The following BTBD9 variants were observed in gnomAD, a reference collection of about 807,000 sequenced individuals.
BTBD9 encodes the protein BTB/POZ domain-containing protein 9.
Under a neutral mutation model 64.3 loss-of-function variants are expected in BTBD9, and 49 were observed. The observed-to-expected ratio is 0.76, with a 90% CI of 0.61 to 0.97. The LOEUF (loss-of-function observed/expected upper bound fraction) is 0.97, where lower values mean the gene tolerates loss of function less well. Among genes scored for constraint, BTBD9 ranks in the 50% least tolerant of loss-of-function variants. The probability of loss-of-function intolerance (pLI) is 0.00; values close to 1 mark genes in which losing one functional copy is unlikely to be tolerated. For synonymous variants in BTBD9, 260 were observed against 274.7 expected (o/e 0.95, Z 0.53); for missense variants, 598 against 762.1 (o/e 0.78, Z 2.53).
intron 10 of BTBD9, among the ~76,000 whole-genome samples, chr6:38,191,511 C>CA (rs927145532): frequency 2.6e-5 from 4 of 152,220 alleles, no homozygotes; most frequent in African/African-American, 9.6e-5. Context: ...CTCCCTCGGG[C>CA]ACAGGGACAC....
chr6:38,406,761 T>G (rs1767182498), intron 6 of BTBD9, among the ~76,000 whole-genome samples: 2 of 152,140 alleles, frequency 1.3e-5, no homozygotes, highest in African/African-American at 4.8e-5. Context: ...GGATCACACT[T>G]TGCTGCCCAG....
At chr6:38,533,131 A>AT (rs1240465922) in intron 6 of BTBD9, among the ~76,000 whole-genome samples, 7 of 151,962 alleles carry the variant, frequency 4.6e-5, no homozygotes, top group South Asian at 2.1e-4. Context: ...AATAATAATA[A>AT]AAAAAACAAG....
At chr6:38,584,576 T>C (rs1374131879) in intron 4 of BTBD9, among the ~76,000 whole-genome samples, 1 of 152,194 alleles carries the variant, frequency 6.6e-6, no homozygotes, top group Non-Finnish European at 1.5e-5. Flanking sequence ...AATTATCTTT[T>C]ATCGAACTCT....
At chr6:38,466,198 A>G (rs1770377510) in intron 6 of BTBD9, among the ~76,000 whole-genome samples, 1 of 147,776 alleles carries the variant, frequency 6.8e-6, no homozygotes, top group South Asian at 2.1e-4. Flanking sequence ...AGTACTCTTT[A>G]TTAGTCTTTT....
At chr6:38,572,928 T>C (rs1273683261) in intron 6 of BTBD9, among the ~76,000 whole-genome samples, 1 of 152,000 alleles carries the variant, frequency 6.6e-6, no homozygotes, top group Non-Finnish European at 1.5e-5. Context: ...AAATTCTATA[T>C]GGCAAAAAGT....
intron 6 of BTBD9, among the ~76,000 whole-genome samples, chr6:38,461,743 G>A (rs960544014): frequency 7.2e-5 from 11 of 152,174 alleles, no homozygotes; most frequent in Admixed American, 6.5e-4. Flanking sequence ...CTGCCAAGCT[G>A]TTTTCCAATG....
intron 6 of BTBD9, among the ~76,000 whole-genome samples, chr6:38,438,900 T>A (rs1768885150): frequency 6.6e-6 from 1 of 151,530 alleles, no homozygotes; most frequent in African/African-American, 2.4e-5. Context: ...CTGAAGGGAG[T>A]GAGGAAATAA....
chr6:38,472,385 T>C (rs1454528172), intron 6 of BTBD9, among the ~76,000 whole-genome samples: 1 of 152,158 alleles, frequency 6.6e-6, no homozygotes. Flanking sequence ...AACAATAAGT[T>C]AGAAATATTT....
At chr6:38,486,596 A>T (rs1582511601) in intron 6 of BTBD9, among the ~76,000 whole-genome samples, 1 of 152,346 alleles carries the variant, frequency 6.6e-6, no homozygotes, top group East Asian at 1.9e-4. Flanking sequence ...GTCAGAATAC[A>T]CACATTTATC....
chr6:38,613,623 C>CT (rs200202457), intron 1 of BTBD9, among the ~76,000 whole-genome samples: 1,976 of 151,078 alleles, frequency 0.013, 40 homozygotes, highest in African/African-American at 0.044. Context: ...GAGACTTTAT[C>CT]TTTTTTAAAA....
intron 6 of BTBD9, among the ~76,000 whole-genome samples, chr6:38,375,212 GT>G (rs1321575276): frequency 9.2e-5 from 14 of 152,208 alleles, no homozygotes; most frequent in Admixed American, 9.2e-4. Context: ...GACAATCAAT[GT>G]AATAATAAAA....
chr6:38,402,924 T>C (rs1582371678), intron 6 of BTBD9: 2 of 679,968 alleles, frequency 2.9e-6, no homozygotes, highest in Non-Finnish European at 2.7e-6. Context: ...AAAAAAAAAT[T>C]AGCTGGACTT....
intron 6 of BTBD9, among the ~76,000 whole-genome samples, chr6:38,438,209 AGGG>A (rs1562186629): frequency 8.8e-4 from 34 of 38,680 alleles, no homozygotes; most frequent in African/African-American, 4.2e-3. Flanking sequence ...GAAAGGAAGG[AGGG>A]AGGGAGGGAG....
At chr6:38,197,188 T>C (rs1762296115) in intron 9 of BTBD9, among the ~76,000 whole-genome samples, 1 of 152,186 alleles carries the variant, frequency 6.6e-6, no homozygotes, top group Non-Finnish European at 1.5e-5. Flanking sequence ...ATCTATCTCA[T>C]TTGGTTCCCA....
At chr6:38,460,933 G>C (rs548513537) in intron 6 of BTBD9, among the ~76,000 whole-genome samples, 1 of 152,178 alleles carries the variant, frequency 6.6e-6, no homozygotes, top group South Asian at 2.1e-4. Flanking sequence ...CCACAGTCTG[G>C]GTTTTTTTAA....
rs534014517 is a variant in BTBD9, at chr6:38,170,367, G to C, written c.*4618C>G. The C allele has an allele frequency of 6.5e-6, 1 of 152,828 alleles. No individual in the cohort carries two copies. The highest frequency in any genetic ancestry group is 1.5e-5 in the Non-Finnish European group (1 of 68,462). 9.5% of individuals were successfully genotyped at this position (152,828 alleles called of 1,614,324 possible). On this transcript the variant is annotated 3_prime_UTR_variant, in exon 11 of 11. Coordinates refer to ENST00000481247, the MANE Select transcript of BTBD9 (RefSeq NM_001099272.2). ...CCCTCGGAGCGTCCTCAGTGGTGCA[G>C]CCAAGAGCCAGGAAGGGCACAGCCT...
At chr6:38,505,123 T>C (rs1350352029) in intron 6 of BTBD9, among the ~76,000 whole-genome samples, 1 of 152,220 alleles carries the variant, frequency 6.6e-6, no homozygotes, top group East Asian at 1.9e-4. Flanking sequence ...CAATTTTTTC[T>C]TACAAGTTAT....
At chr6:38,180,637 G>T (rs11756830) in intron 10 of BTBD9, among the ~76,000 whole-genome samples, 78,551 of 152,030 alleles carry the variant, frequency 0.52, 21,690 homozygotes, top group Non-Finnish European at 0.63. Flanking sequence ...TGGAAAGGAC[G>T]TGACCAAATG....
Position 38,202,936 on chromosome 6 carries a change from AC to A in BTBD9, c.1563-10340del, listed in dbSNP as rs1762515310. On this transcript the variant is annotated intron_variant, in intron 9 of 10. Coordinates refer to ENST00000481247, the MANE Select transcript of BTBD9 (RefSeq NM_001099272.2). ...GGTAATCTGTTGAATAGGAGAAAATACCCGCAAACTATTCATCTAACAAGGG... is the reference window on the plus strand; with the variant it reads ...GGTAATCTGTTGAATAGGAGAAAATACCGCAAACTATTCATCTAACAAGGG... Among the ~76,000 whole-genome samples, 7 of 152,338 alleles carry A rather than the reference AC, an allele frequency of 4.6e-5. No homozygotes were observed. The South Asian group carries it at 1.4e-3, about 32-fold the overall frequency.
Sources: allele counts gnomAD v4.1 joint callset (sites outside exome capture counted in the v4.1 genomes callset), GRCh38; gene constraint gnomAD v4.1.1; transcripts MANE v1.5; gene names NCBI Gene and HGNC (gene_info 2026-07-23, HGNC 2026-07-21).